RNF214: variants seen among roughly 807,000 people sequenced by gnomAD.
RNF214 encodes ring finger protein 214.
In RNF214, 25 loss-of-function variants were observed where a neutral mutation model predicts 75.9. The observed-to-expected ratio is 0.33, with a 90% confidence interval of 0.24 to 0.46. The LOEUF (loss-of-function observed/expected upper bound fraction) is 0.46, where lower values mean the gene tolerates loss of function less well. Among genes scored for constraint, RNF214 ranks in the 20% least tolerant of loss-of-function variants. RNF214 has a pLI of 1.00. For synonymous variants in RNF214, 314 were observed against 308.8 expected (o/e 1.02, Z -0.18); for missense variants, 725 against 857.5 (o/e 0.85, Z 1.93).
At chr11:117,234,503 T>C in intron 2 of RNF214, 124 bp downstream of exon 2, 1 of 623,390 alleles carries the variant, frequency 1.6e-6, no homozygotes, top group Non-Finnish European at 2.9e-6. Flanking sequence ...GGTACAGGAC[T>C]GTCTGATCTA....
At chr11:117,251,788 T>G (rs1399193418) in intron 6 of RNF214, among the ~76,000 whole-genome samples, 1 of 152,022 alleles carries the variant, frequency 6.6e-6, no homozygotes, top group Non-Finnish European at 1.5e-5. Flanking sequence ...GGAGTTTGGG[T>G]TTTTCCATGA....
rs1014467816 is a variant in RNF214, at chr11:117,286,023, C to T, written c.*872C>T. On this transcript the variant is annotated 3_prime_UTR_variant, in exon 15 of 15. Coordinates refer to ENST00000300650, the MANE Select transcript of RNF214 (RefSeq NM_207343.4). ...TCTCCTAGTCTAGCTAATCCCCCTC[C>T]CCCAGAAGGTTAAGGCAGTTGGTTC... The T allele has an allele frequency of 6.5e-6, 1 of 152,676 alleles. No individual in the cohort carries two copies. Among genetic ancestry groups the T allele is most frequent in the Non-Finnish European group, 1.5e-5 (1 of 68,080 alleles). The allele number at this position is 152,676 out of a possible 1,614,324, so 9.5% of individuals were successfully genotyped here.
intron 3 of RNF214, 95 bp downstream of exon 3, chr11:117,239,206 G>A: frequency 1.5e-6 from 2 of 1,363,724 alleles, no homozygotes; most frequent in Admixed American, 4.6e-5. Flanking sequence ...GAACTTGCTG[G>A]CTTGTTTTGT....
chr11:117,246,927 A>C lies in RNF214; in HGVS notation c.938A>C (p.Lys313Thr), dbSNP rs1213417125. ...CAGGATCTGAAAGCTGAAATTGAGA[A>C]GCTTTGTGAGAAGGGCAGAAGGTAA... is the stretch of plus-strand genomic sequence containing the variant. The part of the protein sequence containing the change: ...KEQDLKAEIE[K>T]LCEKGRREVW... Residue 313 changes from lysine (K) to threonine (T), a missense_variant, in exon 6 of 15, where the codon AAG becomes ACG. Lys to Thr is a moderately conservative substitution (Grantham distance 78, BLOSUM62 -1). This residue lies in a region of RNF214 where 363 missense variants were observed against 513.0 expected (regional missense o/e 0.71). Transcript: ENST00000300650. 6.2e-7 allele frequency: 1 copy of C among 1,611,318 alleles called. No individual in the cohort carries two copies. The highest frequency in any genetic ancestry group is 1.7e-5 in the Admixed American group (1 of 59,306).
intron 6 of RNF214, among the ~76,000 whole-genome samples, chr11:117,275,003 C>T (rs948630768): frequency 4.6e-5 from 7 of 151,910 alleles, no homozygotes; most frequent in African/African-American, 1.7e-4. Flanking sequence ...TCAAGATAGG[C>T]CATATGATAG....
intron 4 of RNF214, among the ~76,000 whole-genome samples, chr11:117,242,107 T>C (rs1012891441): frequency 1.3e-5 from 2 of 152,338 alleles, no homozygotes; most frequent in Non-Finnish European, 2.9e-5. Context: ...CACACTTACC[T>C]TTGTTAAAAT....
Position 117,239,010 on chromosome 11 carries a change from C to A in RNF214, c.517C>A (p.Pro173Thr). Residue 173 changes from proline to threonine, a missense_variant, in exon 3 of 15, where the codon CCT becomes ACT. Pro to Thr is a conservative substitution (Grantham distance 38). Transcript: ENST00000300650. ...CAGGGACACAAGCTTGGATTTCCGA[C>A]CTGTAGTGTCTCCAGCAAATGGGGT... Reference protein sequence around the residue: ...GNRDTSLDFRPVVSPANGVEG... With the variant: ...GNRDTSLDFRTVVSPANGVEG... 6.2e-7 allele frequency: 1 copy of A among 1,614,166 alleles called. No individual in the cohort carries two copies. The highest frequency in any genetic ancestry group is 1.1e-5 in the South Asian group (1 of 91,082).
intron 2 of RNF214, among the ~76,000 whole-genome samples, chr11:117,237,956 A>AT (rs2032956523): frequency 6.6e-6 from 1 of 152,230 alleles, no homozygotes; most frequent in South Asian, 2.1e-4. Flanking sequence ...TTCTAAGTTA[A>AT]TATTTGATTA....
At chr11:117,282,889 G>T (rs2034158900) in intron 13 of RNF214, 39 bp downstream of exon 13, 1 of 1,498,090 alleles carries the variant, frequency 6.7e-7, no homozygotes, top group African/African-American at 1.4e-5. Flanking sequence ...ATATGGAGAA[G>T]CTGGAGGTGA....
chr11:117,270,053 G>C (rs1004556127), intron 6 of RNF214, among the ~76,000 whole-genome samples: 1 of 151,904 alleles, frequency 6.6e-6, no homozygotes, highest in African/African-American at 2.4e-5. Context: ...TCCTAGGTGG[G>C]GGATCTTAAG....
chr11:117,260,090 T>TC (rs1461760099), intron 6 of RNF214, among the ~76,000 whole-genome samples: 79 of 151,754 alleles, frequency 5.2e-4, no homozygotes, highest in African/African-American at 1.6e-3. Context: ...TTTTTTTTTT[T>TC]CTCCCCCTGG....
At chr11:117,278,047 G>A (rs1169336458) in intron 6 of RNF214, among the ~76,000 whole-genome samples, 2 of 150,130 alleles carry the variant, frequency 1.3e-5, no homozygotes, top group Admixed American at 6.7e-5. Flanking sequence ...GCTCACACCT[G>A]TAATCCCAGC....
chr11:117,258,347 G>C (rs781655588), intron 6 of RNF214, among the ~76,000 whole-genome samples: 3 of 152,008 alleles, frequency 2.0e-5, no homozygotes, highest in African/African-American at 7.2e-5. Context: ...ATTTACAGGC[G>C]TGAGCCACCA....
Position 117,282,437 on chromosome 11 carries a change from GAC to G in RNF214, c.1748_1749del (p.Thr583SerfsTer25). On this transcript the variant is annotated frameshift_variant, in exon 12 of 15. Coordinates refer to ENST00000300650, the MANE Select transcript of RNF214 (RefSeq NM_207343.4). LOFTEE classifies it high-confidence loss of function. ...QMTNILQQIK[T>X]ARTTMAGLTM... Reference sequence around the variant, plus strand: ...TGACCAACATTCTTCAGCAGATCAAGACAGCACGTACCACCATGGCAGGCCTG... The same window carrying G: ...TGACCAACATTCTTCAGCAGATCAAGAGCACGTACCACCATGGCAGGCCTG... The G allele has an allele frequency of 6.2e-7, 1 of 1,614,174 alleles. No homozygotes were observed. Among genetic ancestry groups the G allele is most frequent in the Non-Finnish European group, 8.5e-7 (1 of 1,180,036 alleles).
intron 6 of RNF214, among the ~76,000 whole-genome samples, chr11:117,276,559 G>A (rs550238524): frequency 4.2e-4 from 64 of 152,130 alleles, no homozygotes; most frequent in Non-Finnish European, 1.6e-4. Flanking sequence ...GATCATGCCA[G>A]TGTACTCCAG....
rs1565349301 is a variant in RNF214, at chr11:117,282,213, T to C, written c.1655T>C (p.Val552Ala). 1 of 1,611,518 alleles carries C rather than the reference T, an allele frequency of 6.2e-7. No homozygotes were observed. Among genetic ancestry groups the C allele is most frequent in the Non-Finnish European group, 8.5e-7 (1 of 1,178,618 alleles). Residue 552 changes from valine to alanine, a missense_variant, in exon 11 of 15, where the codon GTA (valine) becomes GCA (alanine). Transcript: ENST00000300650. ...GCTGAAACTCCCCGGCCCCAACCAG[T>C]AGACAAACTGGAGAAGATCCTGGAG... is the stretch of plus-strand genomic sequence containing the variant. ...ASAETPRPQPVDKLEKILEKL... is the reference protein window; with the variant it reads ...ASAETPRPQPADKLEKILEKL...
intron 12 of RNF214, 43 bp from the exon 13 acceptor site, chr11:117,282,703 C>T (rs753816836): frequency 1.9e-6 from 3 of 1,573,454 alleles, no homozygotes; most frequent in South Asian, 2.2e-5. Context: ...TGCTCTGTTA[C>T]TCAGACTCTC....
chr11:117,238,715 T>G lies in RNF214; in HGVS notation c.222T>G (p.Pro74=), dbSNP rs1387430996. 3.1e-5 allele frequency: 50 copies of G among 1,614,086 alleles called. No individual in the cohort carries two copies. The highest frequency in any genetic ancestry group is 4.2e-5 in the Non-Finnish European group (50 of 1,180,048). ...NVHLEHSEQN[P]GSSAGDTSAA... is the part of the protein sequence containing the mutation. ...ATTTGGAGCACTCAGAGCAGAATCC[T>G]GGTTCATCAGCAGGTGACACCTCAG... Residue 74 remains proline (P), a synonymous_variant, in exon 3 of 15, where the codon CCT becomes CCG. Transcript: ENST00000300650.
rs371710552 is a variant in RNF214, at chr11:117,257,524, G to A, written c.959+10576G>A. Among the ~76,000 whole-genome samples, 11 of 152,352 alleles carry A rather than the reference G, an allele frequency of 7.2e-5. No homozygotes were observed. In the East Asian group the frequency reaches 1.9e-3, roughly 27 times the overall value. On this transcript the variant is annotated intron_variant, in intron 6 of 14. Transcript: ENST00000300650. The stretch of plus-strand genomic sequence containing the variant: ...ATGATATGGGACATTCAAGTACTCA[G>A]TAGGTCATTGGAAATGAGAGACTTG...
Sources: gnomAD v4.1 joint callset for allele counts (sites outside exome capture counted in the v4.1 genomes callset) on GRCh38, gnomAD v4.1.1 for gene constraint, gnomAD v4.1.1 regional missense constraint, MANE v1.5 for transcripts, NCBI Gene and HGNC (gene_info 2026-07-23, HGNC 2026-07-21) for gene names.